Variants in MTMR1 observed in about 807,000 individuals in gnomAD.
MTMR1 encodes myotubularin related protein 1.
A neutral mutation model predicts 51.6 loss-of-function variants in MTMR1; 17 were observed. That is an observed-to-expected ratio of 0.33 (90% CI 0.23 to 0.49). The LOEUF is 0.49. Ranked by LOEUF, MTMR1 falls within the 20% of genes least tolerant of loss-of-function variation. The probability of loss-of-function intolerance (pLI) is 0.99; values close to 1 mark genes in which losing one functional copy is unlikely to be tolerated. For synonymous variants in MTMR1, 201 were observed against 205.6 expected (o/e 0.98, Z 0.19); for missense variants, 386 against 526.9 (o/e 0.73, Z 2.62).
rs1259985574 is a variant in MTMR1 at position 150,696,359 on chromosome X, G to A, written c.146+2683G>A. 5.4e-5 allele frequency among the ~76,000 whole-genome samples: 6 copies of A among 111,418 alleles called. No homozygotes were observed. The Admixed American group carries it at 5.7e-4, about 11-fold the overall frequency. On this transcript the variant is annotated intron_variant, in intron 1 of 15. Coordinates refer to ENST00000445323, the MANE Select transcript of MTMR1 (RefSeq NM_001306144.3). The stretch of plus-strand genomic sequence containing the variant: ...AACCTGGCTCTATGGGTGGGACTTG[G>A]CCATGTCCCTGGGACTATGGGGCCT...
At position 150,701,188 on chromosome X, in the gene MTMR1, C is replaced by T. The variant is rs191824542; in HGVS notation, c.252+1888C>T. ...AATTTATAACTCAGGGGTTGTTACA[C>T]TTTCTTCAAGGAGAGTTTTTTTTTT... On this transcript the variant is annotated intron_variant, in intron 2 of 15. Transcript: ENST00000445323. Among the ~76,000 whole-genome samples the T allele has an allele frequency of 2.0e-3, 223 of 111,150 alleles. 3 individuals carry two copies. Among genetic ancestry groups the T allele is most frequent in the African/African-American group, 6.8e-3 (207 of 30,636 alleles).
chrX:150,736,849 T>G, intron 11 of MTMR1, 69 bp downstream of exon 11: 1 of 987,270 alleles, frequency 1.0e-6, no homozygotes, highest in Non-Finnish European at 1.4e-6. Context: ...TAAATACGTA[T>G]ATCTCCAAGT....
Position 150,763,188 on chromosome X carries a change from G to GTTAA in MTMR1, c.*459_*460insTTAA, listed in dbSNP as rs1557418157. On this transcript the variant is annotated 3_prime_UTR_variant, in exon 16 of 16. Coordinates refer to ENST00000445323, the MANE Select transcript of MTMR1 (RefSeq NM_001306144.3). The stretch of plus-strand genomic sequence containing the variant: ...CCCTCTGTTCCACAGTTTTCTTCAT[G>GTTAA]CACGGGGTCCTCCTGTTAACAATTA... 1 of 119,149 alleles carries GTTAA rather than the reference G, an allele frequency of 8.4e-6. No individual in the cohort carries two copies. The highest frequency in any genetic ancestry group is 3.2e-5 in the African/African-American group (1 of 31,187). 9.8% of individuals were successfully genotyped at this position (119,149 alleles called of 1,213,427 possible).
intron 1 of MTMR1, among the ~76,000 whole-genome samples, chrX:150,698,868 TCA>T (rs1255699774): frequency 5.5e-5 from 6 of 108,439 alleles, no homozygotes; most frequent in African/African-American, 1.7e-4. Flanking sequence ...AGACCCCATC[TCA>T]CAAAAAAAAA....
intron 6 of MTMR1, among the ~76,000 whole-genome samples, chrX:150,729,049 C>T (rs1228487286): frequency 1.8e-5 from 2 of 110,263 alleles, no homozygotes; most frequent in East Asian, 5.7e-4. Flanking sequence ...TTTCTCATGA[C>T]GCTTGAGTAT....
At chrX:150,705,609 A>G (rs2041069255) in intron 2 of MTMR1, among the ~76,000 whole-genome samples, 1 of 112,296 alleles carries the variant, frequency 8.9e-6, no homozygotes, top group African/African-American at 3.2e-5. Flanking sequence ...ATGTAAAAAT[A>G]TGCTACAGGA....
chrX:150,728,748 A>G (rs1329636623), intron 6 of MTMR1, among the ~76,000 whole-genome samples: 6 of 110,887 alleles, frequency 5.4e-5, no homozygotes, highest in African/African-American at 2.0e-4. Flanking sequence ...TCCTGCCTGC[A>G]GGATCATCAG....
At chrX:150,749,712 A>G (rs2042672859) in intron 13 of MTMR1, among the ~76,000 whole-genome samples, 1 of 112,428 alleles carries the variant, frequency 8.9e-6, no homozygotes, top group African/African-American at 3.2e-5. Context: ...AATTACAGTA[A>G]TTGATTTGTT....
chrX:150,742,440 C>A (rs1557417339), intron 12 of MTMR1, among the ~76,000 whole-genome samples: 1 of 111,670 alleles, frequency 9.0e-6, no homozygotes, highest in African/African-American at 3.3e-5. Context: ...AGTTAAGTGG[C>A]ACTGTAAGAC....
chrX:150,762,453 C>T lies in MTMR1; in HGVS notation c.1858-112C>T, dbSNP rs947397215. On this transcript the variant is annotated intron_variant, in intron 15 of 15. Coordinates refer to ENST00000445323, the MANE Select transcript of MTMR1 (RefSeq NM_001306144.3). The stretch of plus-strand genomic sequence containing the variant: ...GGTCAACGCCTCAGGAGACTTTGGC[C>T]GCTCCAGGAGTCTGGATGGTGAAAA... 168 of 990,711 alleles carry T rather than the reference C, an allele frequency of 1.7e-4. No individual in the cohort carries two copies. The African/African-American group carries it at 2.6e-3, about 16-fold the overall frequency. 81.6% of individuals were successfully genotyped at this position (990,711 alleles called of 1,213,427 possible). A position where few individuals can be genotyped will look rare whatever the true frequency, so the allele number is the denominator to read the frequency against.
chrX:150,760,908 G>T (rs1367633668), intron 15 of MTMR1, among the ~76,000 whole-genome samples: 1 of 98,087 alleles, frequency 1.0e-5, no homozygotes, highest in Non-Finnish European at 2.0e-5. Context: ...GCCTGGGGGA[G>T]AGAGTGAGAC....
chrX:150,762,035 G>C (rs977843340), intron 15 of MTMR1, among the ~76,000 whole-genome samples: 30 of 112,685 alleles, frequency 2.7e-4, no homozygotes, highest in Non-Finnish European at 4.3e-4. Flanking sequence ...GCCCGCTCCG[G>C]GGGGCTTCTG....
intron 4 of MTMR1, among the ~76,000 whole-genome samples, chrX:150,721,319 T>A (rs2041739255): frequency 8.9e-6 from 1 of 112,214 alleles, no homozygotes; most frequent in African/African-American, 3.2e-5. Context: ...TAGAATGAAT[T>A]GAGAATTATT....
chrX:150,715,113 A>G (rs1249525254), intron 3 of MTMR1, among the ~76,000 whole-genome samples: 1 of 112,063 alleles, frequency 8.9e-6, no homozygotes, highest in Non-Finnish European at 1.9e-5. Flanking sequence ...GGCATGCCCC[A>G]GGTGCTCAGC....
intron 1 of MTMR1, among the ~76,000 whole-genome samples, chrX:150,698,674 GCGCGCGCACACACACACACACACA>G (rs1359492833): frequency 1.6e-5 from 1 of 61,223 alleles, no homozygotes; most frequent in South Asian, 1.2e-3. Context: ...CTGTCTACAC[GCGCGCGCACACACACACACACACA>G]CACACACACA....
At chrX:150,712,209 A>G in intron 2 of MTMR1, 133 bp from the exon 3 acceptor site, 1 of 507,312 alleles carries the variant, frequency 2.0e-6, no homozygotes, top group Non-Finnish European at 3.3e-6. Flanking sequence ...CAAATGTGTT[A>G]TGATTGATCT....
At chrX:150,762,203 C>T (rs2043157853) in intron 15 of MTMR1, among the ~76,000 whole-genome samples, 1 of 113,110 alleles carries the variant, frequency 8.8e-6, no homozygotes, top group Non-Finnish European at 1.9e-5. Context: ...ATTTCTGACG[C>T]ACAGTCTTTA....
rs1557416928 is a variant in MTMR1 at position 150,730,210 on chromosome X, G to A, written c.657G>A (p.Gln219=). 1 of 1,152,811 alleles carries A rather than the reference G, an allele frequency of 8.7e-7. No homozygotes were observed. Among genetic ancestry groups the A allele is most frequent in the Admixed American group, 2.3e-5 (1 of 43,214 alleles). The change falls in exon 7 of 16, where the codon CAG becomes CAA. Residue 219 remains glutamine, a splice_region_variant and synonymous_variant. Transcript: ENST00000445323. ...NKHAFPLSNG[Q]ALFAFSYKEK... ...ATGCATTTCCTCTTTCTAACGGACA[G>A]GTAAATACACCAGAGTAAACCTTTT...
At chrX:150,759,462 G>GAGAAGGCA (rs2043016187) in intron 15 of MTMR1, among the ~76,000 whole-genome samples, 1 of 108,852 alleles carries the variant, frequency 9.2e-6, no homozygotes, top group Non-Finnish European at 1.9e-5. Flanking sequence ...TGCCTGATCT[G>GAGAAGGCA]GAGTGCCTTT....
Sources: gnomAD v4.1 joint callset for allele counts (sites outside exome capture counted in the v4.1 genomes callset) on GRCh38, gnomAD v4.1.1 for gene constraint, MANE v1.5 for transcripts, NCBI Gene and HGNC (gene_info 2026-07-23, HGNC 2026-07-21) for gene names.